Variants in TENM3 observed in about 807,000 individuals in gnomAD.
TENM3 encodes teneurin-3.
In TENM3, 63 loss-of-function variants were observed where a neutral mutation model predicts 255.1. The ratio of observed to expected loss-of-function variants is 0.25; its 90% CI spans 0.20 to 0.30. The LOEUF (loss-of-function observed/expected upper bound fraction) is 0.30, where lower values mean the gene tolerates loss of function less well. Ranked by LOEUF, TENM3 falls within the 10% of genes least tolerant of loss-of-function variation. The probability of loss-of-function intolerance (pLI) is 1.00; values close to 1 mark genes in which losing one functional copy is unlikely to be tolerated. For synonymous variants in TENM3, 1,306 were observed against 1,322.3 expected (o/e 0.99, Z 0.27); for missense variants, 2,929 against 3,461.1 (o/e 0.85, Z 3.86).
At chr4:182,081,444 C>T in the TENM3 span, among the ~76,000 whole-genome samples, 211 of 151,914 alleles carry the variant, frequency 1.4e-3, no homozygotes, top group African/African-American at 4.9e-3. Context: ...ATTAGCTGGG[C>T]GTGGTGGCAC....
chr4:181,911,073 G>A, the TENM3 span, among the ~76,000 whole-genome samples: 3 of 152,182 alleles, frequency 2.0e-5, no homozygotes, highest in African/African-American at 4.8e-5. Flanking sequence ...ATTTAAAAAC[G>A]TTATAATCAT....
At chr4:182,057,393 T>TTTTTC in the TENM3 span, among the ~76,000 whole-genome samples, 9 of 150,894 alleles carry the variant, frequency 6.0e-5, no homozygotes, top group African/African-American at 1.5e-4. Context: ...TTTTATCTTT[T>TTTTTC]TTTTCTTTTC....
At chr4:181,930,394 G>C in the TENM3 span, among the ~76,000 whole-genome samples, 2 of 151,980 alleles carry the variant, frequency 1.3e-5, no homozygotes, top group East Asian at 1.9e-4. Flanking sequence ...AACACCTCTA[G>C]GCAAATAAAC....
At chr4:181,592,645 G>A in the TENM3 span, among the ~76,000 whole-genome samples, 3 of 148,380 alleles carry the variant, frequency 2.0e-5, no homozygotes, top group Admixed American at 2.1e-4. Flanking sequence ...CTATTTTGGA[G>A]ACTGCTGAAA....
chr4:182,235,087 T>C (rs1348258706), intron 1 of TENM3, among the ~76,000 whole-genome samples: 1 of 152,126 alleles, frequency 6.6e-6, no homozygotes, highest in Non-Finnish European at 1.5e-5. Flanking sequence ...CTCCTCAGTA[T>C]TCCCCCACTC....
At chr4:182,704,282 C>T (rs1758106817) in intron 12 of TENM3, among the ~76,000 whole-genome samples, 2 of 152,178 alleles carry the variant, frequency 1.3e-5, no homozygotes, top group South Asian at 2.1e-4. Context: ...CCACACAAGG[C>T]ATCTCTTTGC....
At chr4:181,957,940 T>A in the TENM3 span, among the ~76,000 whole-genome samples, 4 of 152,186 alleles carry the variant, frequency 2.6e-5, no homozygotes, top group East Asian at 1.9e-4. Flanking sequence ...ACAAAATATG[T>A]TTTTCTTTGG....
At chr4:181,493,848 G>A in the TENM3 span, among the ~76,000 whole-genome samples, 71 of 152,132 alleles carry the variant, frequency 4.7e-4, 1 homozygote, top group East Asian at 0.011. Flanking sequence ...CCAAATTAAC[G>A]TGCCTATTCA....
the TENM3 span, among the ~76,000 whole-genome samples, chr4:181,577,165 T>C: frequency 2.9e-3 from 381 of 133,104 alleles, no homozygotes; most frequent in Non-Finnish European, 4.8e-3. Context: ...ATATAAATAA[T>C]ATATATTATA....
chr4:182,614,009 A>G (rs1419648832), intron 4 of TENM3, among the ~76,000 whole-genome samples: 3 of 152,288 alleles, frequency 2.0e-5, no homozygotes, highest in Admixed American at 6.5e-5. Flanking sequence ...TGAGACCACA[A>G]CATGCTATCA....
the TENM3 span, among the ~76,000 whole-genome samples, chr4:181,952,126 A>G: frequency 6.6e-6 from 1 of 152,238 alleles, no homozygotes; most frequent in Non-Finnish European, 1.5e-5. Flanking sequence ...CATAAAAGTA[A>G]TTAGGGATGT....
Position 182,751,914 on chromosome 4 carries a change from A to G in TENM3, c.3744A>G (p.Lys1248=), listed in dbSNP as rs1260360013. ...GCCCAAAGTCACTTACGGGGGCAAA[A>G]GACTTGACTAAAAATGCAGAAGTCG... ...IYRPKSLTGA[K]DLTKNAEVVA... The change falls in exon 20 of 28, where the codon AAA becomes AAG. Residue 1248 remains lysine, a synonymous_variant. Coordinates refer to ENST00000511685, the MANE Select transcript of TENM3 (RefSeq NM_001080477.4). 6.2e-7 allele frequency: 1 copy of G among 1,613,918 alleles called. No homozygotes were observed. Among genetic ancestry groups the G allele is most frequent in the Non-Finnish European group, 8.5e-7 (1 of 1,179,878 alleles).
chr4:182,521,427 G>A (rs997244160), intron 3 of TENM3, among the ~76,000 whole-genome samples: 1 of 151,962 alleles, frequency 6.6e-6, no homozygotes, highest in Non-Finnish European at 1.5e-5. Flanking sequence ...CTTTGTTTGT[G>A]CTTTTGGAAC....
chr4:182,654,038 C>T (rs2152516975), intron 6 of TENM3, 145 bp downstream of exon 6: 1 of 742,664 alleles, frequency 1.3e-6, no homozygotes. Context: ...AAGTTTTTTT[C>T]AATTAATTTA....
At chr4:181,647,251 T>A in the TENM3 span, among the ~76,000 whole-genome samples, 2 of 152,366 alleles carry the variant, frequency 1.3e-5, no homozygotes, top group African/African-American at 4.8e-5. Context: ...TGGATATATG[T>A]GTGTGAACAT....
At chr4:182,079,585 T>C in the TENM3 span, 3 of 152,222 alleles carry the variant, frequency 2.0e-5, no homozygotes, top group South Asian at 2.1e-4. Flanking sequence ...TTTGTGGACA[T>C]TGATGTTTCA....
At chr4:181,732,544 C>T in the TENM3 span, among the ~76,000 whole-genome samples, 6 of 151,950 alleles carry the variant, frequency 3.9e-5, no homozygotes, top group Admixed American at 2.0e-4. Flanking sequence ...CAGGTAGGGC[C>T]GTAGTTACAC....
chr4:182,578,299 C>G (rs1460161491), intron 3 of TENM3, among the ~76,000 whole-genome samples: 1 of 152,098 alleles, frequency 6.6e-6, no homozygotes, highest in African/African-American at 2.4e-5. Context: ...GATTCCTTCT[C>G]CAGCAGTTCT....
chr4:181,795,186 A>C, the TENM3 span, among the ~76,000 whole-genome samples: 1 of 151,896 alleles, frequency 6.6e-6, no homozygotes, highest in Admixed American at 6.6e-5. Context: ...TGCTATCACA[A>C]AAGTTGCCTA....
Sources: allele counts gnomAD v4.1 joint callset (sites outside exome capture counted in the v4.1 genomes callset), GRCh38; gene constraint gnomAD v4.1.1; transcripts MANE v1.5; gene names NCBI Gene and HGNC (gene_info 2026-07-23, HGNC 2026-07-21).